Variants in PINX1 observed in about 807,000 individuals in gnomAD.
PINX1 encodes PIN2 (TERF1) interacting telomerase inhibitor 1.
A neutral mutation model predicts 25.4 loss-of-function variants in PINX1; 34 were observed. The ratio of observed to expected loss-of-function variants is 1.34; its 90% confidence interval spans 1.02 to 1.78. The LOEUF is 1.78. Ranked by LOEUF, PINX1 falls within the 40% of genes most tolerant of loss-of-function variation. The pLI, the probability that PINX1 is intolerant of heterozygous loss-of-function variation, is 0.00. For synonymous variants in PINX1, 197 were observed against 147.7 expected (o/e 1.33, Z -2.42); for missense variants, 592 against 404.9 (o/e 1.46, Z -3.97).
rs775051617 is a variant in PINX1 at position 10,765,858 on chromosome 8, G to A, written c.530C>T (p.Thr177Ile). The change falls in exon 7 of 7, where the codon ACC becomes ATC. Residue 177 changes from threonine to isoleucine, a missense_variant. Thr to Ile is a moderately conservative substitution (Grantham distance 89). Transcript: ENST00000314787. ...CCGCTTGGCAAAGTACTCCTGGATG[G>A]TGAAGGCGCTGGTTGTCGTGGTTTC... ...ENETTTTSAFTIQEYFAKRMA... is the reference protein window; with the variant it reads ...ENETTTTSAFIIQEYFAKRMA... 1.2e-6 allele frequency: 2 copies of A among 1,613,920 alleles called. No individual in the cohort carries two copies. The highest frequency in any genetic ancestry group is 1.7e-6 in the Non-Finnish European group (2 of 1,179,882).
chr8:10,789,182 G>T (rs1306291599), intron 6 of PINX1, among the ~76,000 whole-genome samples: 1 of 152,204 alleles, frequency 6.6e-6, no homozygotes, highest in African/African-American at 2.4e-5. Context: ...AAGGCTGACG[G>T]TAACTGACCA....
At chr8:10,798,533 T>C (rs575098641) in intron 6 of PINX1, among the ~76,000 whole-genome samples, 6 of 152,356 alleles carry the variant, frequency 3.9e-5, no homozygotes, top group Non-Finnish European at 8.8e-5. Flanking sequence ...AACTTCTTTT[T>C]ATCAGTCAAA....
intron 6 of PINX1, among the ~76,000 whole-genome samples, chr8:10,787,163 T>C (rs1038525317): frequency 6.6e-6 from 1 of 151,960 alleles, no homozygotes; most frequent in South Asian, 2.1e-4. Context: ...ATATATTATA[T>C]ATATAAATGT....
At chr8:10,805,267 C>G (rs924754126) in intron 6 of PINX1, among the ~76,000 whole-genome samples, 2 of 152,202 alleles carry the variant, frequency 1.3e-5, no homozygotes, top group African/African-American at 2.4e-5. Flanking sequence ...GAGGCACACG[C>G]AAAAGACATC....
chr8:10,834,671 C>T lies in PINX1; in HGVS notation c.124G>A (p.Gly42Arg), dbSNP rs776045309. The T allele has an allele frequency of 6.2e-7, 1 of 1,613,344 alleles. No homozygotes were observed. Among genetic ancestry groups the T allele is most frequent in the Non-Finnish European group, 8.5e-7 (1 of 1,179,580 alleles). Residue 42 changes from glycine (G) to arginine (R), a missense_variant, in exon 2 of 7, where the codon GGA becomes AGA. Gly to Arg is a moderately radical substitution (Grantham distance 125, BLOSUM62 -2). Coordinates refer to ENST00000314787, the MANE Select transcript of PINX1 (RefSeq NM_017884.6). ...TCCGCTTTTCTCCAAAATACCTTTC[C>T]TTTAGACCACCCCATCTTCTCTAGC... is the stretch of plus-strand genomic sequence containing the variant. ...RMLEKMGWSK[G>R]KGLGAQEQGA...
intron 3 of PINX1, 50 bp from the exon 4 acceptor site, chr8:10,831,793 A>G: frequency 2.0e-6 from 2 of 1,002,460 alleles, no homozygotes; most frequent in Non-Finnish European, 3.1e-6. Flanking sequence ...GTTTACTTAC[A>G]CTGACTGAGA....
chr8:10,771,634 C>G (rs558793391), intron 6 of PINX1, among the ~76,000 whole-genome samples: 2 of 152,344 alleles, frequency 1.3e-5, no homozygotes, highest in South Asian at 4.1e-4. Flanking sequence ...AGACACCAAA[C>G]CCAGCTGGAC....
At chr8:10,767,675 G>C (rs1029706898) in intron 6 of PINX1, among the ~76,000 whole-genome samples, 1 of 152,174 alleles carries the variant, frequency 6.6e-6, no homozygotes, top group African/African-American at 2.4e-5. Context: ...GCCAATCCCA[G>C]GCTCATGAAC....
At chr8:10,803,601 T>C (rs113758264) in intron 6 of PINX1, among the ~76,000 whole-genome samples, 1,634 of 152,348 alleles carry the variant, frequency 0.011, 17 homozygotes, top group South Asian at 0.034. Context: ...TGCATCTCTA[T>C]AACTTATATT....
In PINX1 at chr8:10,766,008, TGGCACCCACACCCGGCGCTCACACCC is replaced by T. The variant is rs1338648119; in HGVS notation, c.472-118_472-93del. On this transcript the variant is annotated intron_variant, in intron 6 of 6. Transcript: ENST00000314787. ...GGCACCCACACCCGGCGCTCACACC[TGGCACCCACACCCGGCGCTCACACCC>T]GGCACCCACACCCGGCACTTAGGAG... 3.5e-5 allele frequency: 44 copies of T among 1,242,792 alleles called. No individual in the cohort carries two copies. In the East Asian group the frequency reaches 4.9e-4, roughly 14 times the overall value. 77.0% of individuals were successfully genotyped at this position (1,242,792 alleles called of 1,614,324 possible).
intron 6 of PINX1, among the ~76,000 whole-genome samples, chr8:10,815,347 T>C (rs937919206): frequency 3.3e-5 from 5 of 152,232 alleles, no homozygotes; most frequent in Middle Eastern, 3.2e-3. Context: ...GGATTGTTGT[T>C]TCGCTTTGAT....
chr8:10,818,745 C>T (rs556289753), intron 6 of PINX1, among the ~76,000 whole-genome samples: 5 of 151,912 alleles, frequency 3.3e-5, no homozygotes, highest in Admixed American at 2.0e-4. Context: ...AGGGTGTGAT[C>T]GTGGGGTGGG....
At chr8:10,807,208 A>G (rs112613398) in intron 6 of PINX1, among the ~76,000 whole-genome samples, 10 of 152,234 alleles carry the variant, frequency 6.6e-5, no homozygotes, top group African/African-American at 2.4e-4. Flanking sequence ...AGAACAGGAC[A>G]TTATTAAAAA....
At position 10,789,056 on chromosome 8, in the gene PINX1, C is replaced by T. The variant is rs1014398273; in HGVS notation, c.472-23140G>A. ...AGCGTGAAAGGGACAAGCCCAGTACCGGCTTCCTGCCAGCCTCCCCTTCCC... is the reference window on the plus strand; with the variant it reads ...AGCGTGAAAGGGACAAGCCCAGTACTGGCTTCCTGCCAGCCTCCCCTTCCC... On this transcript the variant is annotated intron_variant, in intron 6 of 6. Coordinates refer to ENST00000314787, the MANE Select transcript of PINX1 (RefSeq NM_017884.6). Among the ~76,000 whole-genome samples, 3 of 152,198 alleles carry T rather than the reference C, an allele frequency of 2.0e-5. No homozygotes were observed. In the East Asian group the frequency reaches 5.8e-4, roughly 29 times the overall value.
At chr8:10,815,982 A>T (rs1445649881) in intron 6 of PINX1, among the ~76,000 whole-genome samples, 1 of 152,198 alleles carries the variant, frequency 6.6e-6, no homozygotes, top group African/African-American at 2.4e-5. Flanking sequence ...TCAAACGGAG[A>T]GACCATGTGG....
chr8:10,824,324 G>A (rs1053412778), intron 5 of PINX1, among the ~76,000 whole-genome samples: 3 of 152,154 alleles, frequency 2.0e-5, no homozygotes, highest in African/African-American at 7.2e-5. Flanking sequence ...TGGAAAGCTA[G>A]CTGATAAACC....
chr8:10,826,512 T>G (rs1246059609), intron 4 of PINX1, among the ~76,000 whole-genome samples: 2 of 152,220 alleles, frequency 1.3e-5, no homozygotes, highest in African/African-American at 4.8e-5. Context: ...GAGGAAGAAA[T>G]GGAAACTTGT....
intron 6 of PINX1, among the ~76,000 whole-genome samples, chr8:10,794,719 C>T (rs986592087): frequency 4.6e-5 from 7 of 152,198 alleles, no homozygotes; most frequent in East Asian, 3.9e-4. Context: ...TGAGCCACTG[C>T]GCTCAGCTGC....
chr8:10,839,700 C>T, intron 1 of PINX1, 38 bp downstream of exon 1: 1 of 1,592,050 alleles, frequency 6.3e-7, no homozygotes. Flanking sequence ...GCATCTTCAC[C>T]AACGCGCCTG....
Sources: gnomAD v4.1 joint callset for allele counts (sites outside exome capture counted in the v4.1 genomes callset) on GRCh38, gnomAD v4.1.1 for gene constraint, MANE v1.5 for transcripts, NCBI Gene and HGNC (gene_info 2026-07-23, HGNC 2026-07-21) for gene names.